FLNB: variants seen among roughly 807,000 people sequenced by gnomAD.
The protein encoded by FLNB is filamin-B.
Under a neutral mutation model 250.6 loss-of-function variants are expected in FLNB, and 111 were observed. That is an observed-to-expected ratio of 0.44 (90% CI 0.38 to 0.52). FLNB has a LOEUF of 0.52. Ranked by LOEUF, FLNB falls within the 20% of genes least tolerant of loss-of-function variation. The pLI is 0.00. For missense variants in FLNB, 2,869 were observed against 3,447.8 expected, an observed-to-expected ratio of 0.83 and a Z score of 4.20; for synonymous variants, 1,302 against 1,372.1, an observed-to-expected ratio of 0.95 and a Z score of 1.13.
chr3:58,110,201 G>A, intron 16 of FLNB, 31 bp downstream of exon 16: 8 of 1,612,002 alleles, frequency 5.0e-6, no homozygotes, highest in Non-Finnish European at 5.9e-6. Flanking sequence ...GGAGATGGGT[G>A]GAGTAGGCCT....
intron 41 of FLNB, 120 bp from the exon 42 acceptor site, chr3:58,159,434 T>A (rs948039126): frequency 1.0e-6 from 1 of 992,520 alleles, no homozygotes; most frequent in Non-Finnish European, 1.6e-6. Flanking sequence ...TGTTGTCATA[T>A]GTTATATAGA....
chr3:58,109,636 A>G lies in FLNB; in HGVS notation c.2260A>G (p.Arg754Gly), dbSNP rs761945948. 2 of 1,614,116 alleles carry G rather than the reference A, an allele frequency of 1.2e-6. No homozygotes were observed. Among genetic ancestry groups the G allele is most frequent in the African/African-American group, 1.3e-5 (1 of 75,018 alleles). The part of the protein sequence containing the change: ...KVKVFGPGVE[R>G]SGLKANEPTH... ...CAAAGTGTTTGGGCCAGGTGTGGAG[A>G]GAAGTGGTCTGAAGGCAAATGAACC... Residue 754 changes from arginine (R) to glycine (G), a missense_variant, in exon 15 of 46, where the codon AGA (arginine) becomes GGA (glycine). By Grantham distance (125) the Arg-to-Gly change is moderately radical. Coordinates refer to ENST00000295956, the MANE Select transcript of FLNB (RefSeq NM_001457.4).
chr3:58,158,748 A>G (rs948482650), intron 41 of FLNB, among the ~76,000 whole-genome samples: 1 of 152,172 alleles, frequency 6.6e-6, no homozygotes, highest in Non-Finnish European at 1.5e-5. Flanking sequence ...TCCAAGACAA[A>G]GTATGGGGAG....
intron 1 of FLNB, among the ~76,000 whole-genome samples, chr3:58,054,374 G>A (rs565272376): frequency 1.1e-4 from 16 of 152,248 alleles, no homozygotes; most frequent in African/African-American, 3.6e-4. Context: ...CATTTCCATC[G>A]TTGCAGAAAC....
chr3:58,045,669 A>T (rs1353854431), intron 1 of FLNB, among the ~76,000 whole-genome samples: 2 of 152,188 alleles, frequency 1.3e-5, no homozygotes, highest in African/African-American at 4.8e-5. Context: ...TAAGCTCACG[A>T]AAGTTCAATA....
Position 58,142,537 on chromosome 3 carries a change from C to T in FLNB, c.5182-113C>T. On this transcript the variant is annotated intron_variant, in intron 30 of 45. Transcript: ENST00000295956. The surrounding 1 kb of genome is among the most constrained non-coding windows in gnomAD (Gnocchi z 4.3). ...CCATACCACAATGGGCAGCCGCATT[C>T]CCAAATCCCGGCCTCACTGGCTTGT... 1.1e-6 allele frequency: 1 copy of T among 926,184 alleles called. No homozygotes were observed. The allele number at this position is 926,184 out of a possible 1,614,324, so 57.4% of individuals were successfully genotyped here.
At chr3:58,088,639 G>T (rs1314356635) in intron 4 of FLNB, among the ~76,000 whole-genome samples, 1 of 152,132 alleles carries the variant, frequency 6.6e-6, no homozygotes, top group Admixed American at 6.5e-5. Context: ...ATGCCAGTGG[G>T]CACAAACACA....
Position 58,154,890 on chromosome 3 carries a change from A to G in FLNB, c.6734A>G (p.Asn2245Ser), listed in dbSNP as rs1050440418. ...GAGATTACATTCGATGACCATAAAA[A>G]TGGGTCGTGCGGTGTATCTTATATT... ...KAEITFDDHK[N>S]GSCGVSYIAQ... Residue 2245 changes from asparagine to serine, a missense_variant, in exon 40 of 46, where the codon AAT becomes AGT. Transcript: ENST00000295956. The G allele has an allele frequency of 2.5e-6, 4 of 1,614,116 alleles. No homozygotes were observed. The Admixed American group carries it at 6.7e-5, about 27-fold the overall frequency.
intron 1 of FLNB, among the ~76,000 whole-genome samples, chr3:58,065,055 A>T (rs1351840833): frequency 6.6e-6 from 1 of 152,158 alleles, no homozygotes; most frequent in Admixed American, 6.5e-5. Context: ...TCAAAAAAAA[A>T]ATTCCCCAGT....
rs1241394741 is a variant in FLNB, at chr3:58,008,745, C to G, written c.181C>G (p.Arg61Gly). 3.7e-6 allele frequency: 6 copies of G among 1,614,008 alleles called. No homozygotes were observed. The highest frequency in any genetic ancestry group is 5.1e-6 in the Non-Finnish European group (6 of 1,180,016). ...GCTGCTCGAGGTGCTCAGCCAGAAG[C>G]GCATGTACCGCAAGTACCATCAGCG... ...IALLEVLSQK[R>G]MYRKYHQRPT... Residue 61 changes from arginine to glycine, a missense_variant, in exon 1 of 46, where the codon CGC (arginine) becomes GGC (glycine). Arg to Gly is a moderately radical substitution (Grantham distance 125). Transcript: ENST00000295956.
At chr3:58,098,117 T>C in intron 7 of FLNB, 140 bp downstream of exon 7, 1 of 925,386 alleles carries the variant, frequency 1.1e-6, no homozygotes, top group East Asian at 2.7e-5. Flanking sequence ...TCAAATGTGT[T>C]ATATTAGATT....
chr3:58,148,260 T>G lies in FLNB; in HGVS notation c.5783T>G (p.Leu1928Arg). 1 of 1,614,202 alleles carries G rather than the reference T, an allele frequency of 6.2e-7. No homozygotes were observed. Among genetic ancestry groups the G allele is most frequent in the Non-Finnish European group, 8.5e-7 (1 of 1,180,034 alleles). ...VKLGSAADFL[L>R]DISETDLSSL... The stretch of plus-strand genomic sequence containing the variant: ...TTGGGCTCAGCCGCTGACTTCCTGC[T>G]CGACATCAGTGAGACTGACCTCAGC... The change falls in exon 35 of 46, where the codon CTC (leucine) becomes CGC (arginine). Residue 1928 changes from leucine (L) to arginine (R), a missense_variant. By Grantham distance (102) the Leu-to-Arg change is moderately radical (BLOSUM62 -2). Transcript: ENST00000295956.
intron 1 of FLNB, among the ~76,000 whole-genome samples, chr3:58,059,208 A>G (rs1473129512): frequency 6.6e-6 from 1 of 152,186 alleles, no homozygotes; most frequent in East Asian, 1.9e-4. Flanking sequence ...TGAAGATGAT[A>G]CTCATGTTAC....
intron 4 of FLNB, among the ~76,000 whole-genome samples, chr3:58,093,229 A>C (rs955210596): frequency 6.6e-6 from 1 of 152,208 alleles, no homozygotes; most frequent in Non-Finnish European, 1.5e-5. Context: ...GCACGGGGCA[A>C]AGTTTAGAGG....
chr3:58,064,960 A>G (rs1412213612), intron 1 of FLNB, among the ~76,000 whole-genome samples: 1 of 152,124 alleles, frequency 6.6e-6, no homozygotes, highest in East Asian at 1.9e-4. Context: ...GGATTGCTTG[A>G]GACTTGGAGG....
chr3:58,045,014 G>C (rs2097151567), intron 1 of FLNB, among the ~76,000 whole-genome samples: 1 of 152,212 alleles, frequency 6.6e-6, no homozygotes, highest in Non-Finnish European at 1.5e-5. Context: ...CACTGTGGCT[G>C]CAATGTCTGG....
chr3:58,030,769 GT>G (rs1369547648), intron 1 of FLNB, among the ~76,000 whole-genome samples: 1 of 152,118 alleles, frequency 6.6e-6, no homozygotes, highest in Admixed American at 6.5e-5. Context: ...AGCTACTCGG[GT>G]GGCTGAGGTG....
rs1249548063 is a variant in FLNB at position 58,138,225 on chromosome 3, T to C, written c.4862-57T>C. ...AACATGGATGGGTATGATTTGTTCT[T>C]GGGCCTCCAGGATGTGTGTCCATAC... On this transcript the variant is annotated intron_variant, in intron 28 of 45. Transcript: ENST00000295956. The C allele has an allele frequency of 2.5e-6, 4 of 1,610,950 alleles. No homozygotes were observed. The East Asian group carries it at 8.9e-5, about 36-fold the overall frequency.
chr3:58,008,878 A>G (rs1576576697), intron 1 of FLNB, 22 bp downstream of exon 1: 2 of 1,612,950 alleles, frequency 1.2e-6, no homozygotes, highest in Non-Finnish European at 1.7e-6. Flanking sequence ...GGCCGGGCCC[A>G]GGCGCCCACT....
Sources: allele counts gnomAD v4.1 joint callset (sites outside exome capture counted in the v4.1 genomes callset), GRCh38; gene constraint gnomAD v4.1.1; non-coding constraint Gnocchi (gnomAD v3.1); transcripts MANE v1.5; gene names NCBI Gene and HGNC (gene_info 2026-07-23, HGNC 2026-07-21).